The following MYO16 variants were observed in gnomAD, a reference collection of about 807,000 sequenced individuals.
MYO16 encodes the protein myosin XVI.
A neutral mutation model predicts 205.3 loss-of-function variants in MYO16; 94 were observed. That is an observed-to-expected ratio of 0.46 (90% confidence interval 0.39 to 0.54). MYO16 has a LOEUF of 0.54. Ranked by LOEUF, MYO16 falls within the 20% of genes least tolerant of loss-of-function variation. MYO16 has a pLI of 0.00. For missense variants in MYO16, 2,315 were observed against 2,387.5 expected, an observed-to-expected ratio of 0.97 and a Z score of 0.63; for synonymous variants, 988 against 954.0, an observed-to-expected ratio of 1.04 and a Z score of -0.66.
intron 1 of MYO16, among the ~76,000 whole-genome samples, chr13:108,636,591 G>T (rs1221954882): frequency 6.6e-6 from 1 of 152,026 alleles, no homozygotes; most frequent in Non-Finnish European, 1.5e-5. Context: ...TATTGGCCAG[G>T]ATGGTCTCGA....
chr13:108,815,942 C>T (rs1278068348), intron 7 of MYO16, among the ~76,000 whole-genome samples: 3 of 152,124 alleles, frequency 2.0e-5, no homozygotes, highest in African/African-American at 7.2e-5. Context: ...TTAGGTAATA[C>T]AGCAAGGGTA....
chr13:109,115,397 T>C (rs1241184036), intron 28 of MYO16, among the ~76,000 whole-genome samples: 3 of 152,190 alleles, frequency 2.0e-5, no homozygotes, highest in Non-Finnish European at 4.4e-5. Context: ...TAGCGATGAC[T>C]GTAATTCACA....
intron 27 of MYO16, among the ~76,000 whole-genome samples, chr13:109,064,450 G>A (rs1292635413): frequency 6.6e-6 from 1 of 152,122 alleles, no homozygotes; most frequent in Non-Finnish European, 1.5e-5. Context: ...TTTACTGATG[G>A]CACTGTAAAA....
intron 10 of MYO16, among the ~76,000 whole-genome samples, chr13:108,852,095 C>A (rs1006853920): frequency 6.6e-6 from 1 of 152,180 alleles, no homozygotes; most frequent in African/African-American, 2.4e-5. Flanking sequence ...ATTTCAGTGT[C>A]AACGTGACCT....
chr13:108,984,829 G>A (rs935586517), intron 20 of MYO16, among the ~76,000 whole-genome samples: 3 of 152,124 alleles, frequency 2.0e-5, no homozygotes, highest in African/African-American at 7.2e-5. Context: ...TTATGTTAAT[G>A]TGCGTGGATC....
At chr13:109,195,134 T>G (rs1886084) in intron 34 of MYO16, among the ~76,000 whole-genome samples, 1 of 152,098 alleles carries the variant, frequency 6.6e-6, no homozygotes, top group Non-Finnish European at 1.5e-5. Flanking sequence ...TGATTTTTTT[T>G]AAGAAATTAA....
rs192919202 is a variant in MYO16 at position 109,116,855 on chromosome 13, G to A, written c.3439-3515G>A. ...CAACTGAAGCACAAATGAGAGGAAG[G>A]CAGACACTTGCAATGGTAGGAGTTG... On this transcript the variant is annotated intron_variant, in intron 28 of 34. Transcript: ENST00000457511. Among the ~76,000 whole-genome samples the A allele has an allele frequency of 1.7e-3, 266 of 152,198 alleles. 1 individual carries two copies. The highest frequency in any genetic ancestry group is 6.3e-3 in the African/African-American group (261 of 41,546).
chr13:108,760,420 A>G (rs922457712), intron 4 of MYO16, among the ~76,000 whole-genome samples: 44 of 151,330 alleles, frequency 2.9e-4, no homozygotes, highest in African/African-American at 9.7e-4. Context: ...TTATAAATCT[A>G]TTCCATATCT....
rs77618272 is a variant in MYO16 at position 109,126,849 on chromosome 13, T to C, written c.3783-433T>C. ...ATCCTCTTGCGAGGGGAAATGGTGA[T>C]GAACTCCCAGCATTTGATGCATCAG... On this transcript the variant is annotated intron_variant, in intron 30 of 34. Coordinates refer to ENST00000457511, the MANE Select transcript of MYO16 (RefSeq NM_001198950.3). Among the ~76,000 whole-genome samples, 26 of 152,336 alleles carry C rather than the reference T, an allele frequency of 1.7e-4. No homozygotes were observed. The East Asian group carries it at 5.0e-3, about 29-fold the overall frequency.
intron 16 of MYO16, among the ~76,000 whole-genome samples, chr13:108,925,888 C>G (rs1161613411): frequency 6.6e-6 from 1 of 152,210 alleles, no homozygotes; most frequent in Non-Finnish European, 1.5e-5. Context: ...GATCCTCTCA[C>G]TGACCCCTTC....
rs537092605 is a variant in MYO16 at position 108,923,689 on chromosome 13, C to G, written c.1925+13539C>G. Among the ~76,000 whole-genome samples, 6 of 152,346 alleles carry G rather than the reference C, an allele frequency of 3.9e-5. No individual in the cohort carries two copies. The South Asian group carries it at 1.2e-3, about 32-fold the overall frequency. On this transcript the variant is annotated intron_variant, in intron 16 of 34. Transcript: ENST00000457511. The stretch of plus-strand genomic sequence containing the variant: ...CCTCAGCCTGCAGACCTCTCTTCCC[C>G]CTCTGCTTCTTAGTGTCTCCTTTTC...
At chr13:108,853,864 G>A (rs1169843886) in intron 10 of MYO16, among the ~76,000 whole-genome samples, 1 of 151,708 alleles carries the variant, frequency 6.6e-6, no homozygotes, top group East Asian at 1.9e-4. Context: ...GTGCCATAAA[G>A]CTTGCTGCCT....
chr13:108,676,173 A>G (rs1882194142), intron 2 of MYO16, among the ~76,000 whole-genome samples: 1 of 152,202 alleles, frequency 6.6e-6, no homozygotes, highest in South Asian at 2.1e-4. Context: ...TTAGGCAATC[A>G]TATTTTAAAT....
intron 1 of MYO16, among the ~76,000 whole-genome samples, chr13:108,619,514 G>T (rs1879463001): frequency 6.6e-6 from 1 of 152,082 alleles, no homozygotes; most frequent in Admixed American, 6.6e-5. Flanking sequence ...ATACTCGAGG[G>T]TGTAAAAGTA....
chr13:108,729,460 G>A (rs1344514283), intron 4 of MYO16, among the ~76,000 whole-genome samples: 1 of 151,998 alleles, frequency 6.6e-6, no homozygotes, highest in African/African-American at 2.4e-5. Context: ...GAATGAGATA[G>A]GCTTGATTCA....
chr13:108,964,983 A>G (rs1883735246), intron 20 of MYO16, 81 bp downstream of exon 20: 1 of 1,401,276 alleles, frequency 7.1e-7, no homozygotes, highest in Non-Finnish European at 9.8e-7. Context: ...GCAGCTTCAT[A>G]TTACAGGGTA....
At chr13:108,965,866 G>A (rs930626907) in intron 20 of MYO16, among the ~76,000 whole-genome samples, 1 of 152,172 alleles carries the variant, frequency 6.6e-6, no homozygotes, top group Non-Finnish European at 1.5e-5. Flanking sequence ...AAGTCTTCAC[G>A]TACTTGTCTT....
the MYO16 span, among the ~76,000 whole-genome samples, chr13:108,574,564 T>A: frequency 1.3e-5 from 2 of 152,244 alleles, no homozygotes; most frequent in East Asian, 1.9e-4. Context: ...AAGCTTCAAC[T>A]CAGTAACTTA....
intron 33 of MYO16, among the ~76,000 whole-genome samples, chr13:109,171,955 G>C (rs774166554): frequency 6.6e-6 from 1 of 152,102 alleles, no homozygotes; most frequent in African/African-American, 2.4e-5. Context: ...TTGAATAAAG[G>C]CTTCCTAAGG....
Sources: allele counts gnomAD v4.1 joint callset (sites outside exome capture counted in the v4.1 genomes callset), GRCh38; gene constraint gnomAD v4.1.1; transcripts MANE v1.5; gene names NCBI Gene and HGNC (gene_info 2026-07-23, HGNC 2026-07-21).